Variants in DYNC1I2 observed in about 807,000 individuals in gnomAD.
DYNC1I2 encodes cytoplasmic dynein 1 intermediate chain 2.
A neutral mutation model predicts 88.6 loss-of-function variants in DYNC1I2; 53 were observed. The ratio of observed to expected loss-of-function variants is 0.60; its 90% CI spans 0.48 to 0.75. The LOEUF (loss-of-function observed/expected upper bound fraction) is 0.75. DYNC1I2 is among the 30% of genes least tolerant of loss of function. The pLI, the probability that DYNC1I2 is intolerant of heterozygous loss-of-function variation, is 0.00. For missense variants in DYNC1I2, 458 were observed against 766.6 expected (o/e 0.60, Z 4.75); for synonymous variants, 198 against 254.6 (o/e 0.78, Z 2.12).
rs145988773 is a variant in DYNC1I2 at position 171,690,540 on chromosome 2, G to A, written c.108+277G>A. ...AAATATGATTTTTAAAAACAATTTCGTATAGATTGATGCATTTCTAAAATT... is the reference window on the plus strand; with the variant it reads ...AAATATGATTTTTAAAAACAATTTCATATAGATTGATGCATTTCTAAAATT... On this transcript the variant is annotated intron_variant, in intron 2 of 17. Transcript: ENST00000397119. Among the ~76,000 whole-genome samples the A allele has an allele frequency of 2.7e-3, 409 of 151,710 alleles. 1 individual carries two copies. Among genetic ancestry groups the A allele is most frequent in the Non-Finnish European group, 4.8e-3 (324 of 67,966 alleles).
In DYNC1I2 at chr2:171,744,094, T is replaced by G; in HGVS notation, c.1582T>G (p.Tyr528Asp). ...YSFEDNADYV[Y>D]DVMWSPTHPA... ...ATTTGAAGATAATGCAGACTATGTT[T>G]ATGATGTTATGTGGTCACCTACCCA... Residue 528 changes from tyrosine to aspartate, a missense_variant, in exon 16 of 18, where the codon TAT becomes GAT. Tyr to Asp is a radical substitution (Grantham distance 160). This residue lies in a region of DYNC1I2 where 188 missense variants were observed against 300.4 expected (regional missense o/e 0.63). Transcript: ENST00000397119. The G allele has an allele frequency of 6.2e-7, 1 of 1,612,982 alleles. No homozygotes were observed. The highest frequency in any genetic ancestry group is 8.5e-7 in the Non-Finnish European group (1 of 1,179,642).
At chr2:171,715,193 G>T in intron 6 of DYNC1I2, 135 bp from the exon 7 acceptor site, 2 of 537,354 alleles carry the variant, frequency 3.7e-6, no homozygotes, top group Non-Finnish European at 6.6e-6. Flanking sequence ...CCAATTTATT[G>T]TTAATCTAAA....
In DYNC1I2 at chr2:171,715,363, C is replaced by T. The variant is rs199535960; in HGVS notation, c.431C>T (p.Thr144Met). 60 of 1,565,120 alleles carry T rather than the reference C, an allele frequency of 3.8e-5. 1 individual carries two copies. Among genetic ancestry groups the T allele is most frequent in the Admixed American group, 2.8e-4 (15 of 52,790 alleles). Residue 144 changes from threonine to methionine, a missense_variant, in exon 7 of 18, where the codon ACG (threonine) becomes ATG (methionine). Thr to Met is a moderately conservative substitution (Grantham distance 81, BLOSUM62 -1). Transcript: ENST00000397119. The stretch of plus-strand genomic sequence containing the variant: ...ATTAAACTTGGAATGGCTAAAATCA[C>T]GCAAGTCGACTTTCCTCCTCGAGAA... ...GPIKLGMAKITQVDFPPREIV... is the reference protein window; with the variant it reads ...GPIKLGMAKIMQVDFPPREIV...
In DYNC1I2 at chr2:171,729,731, T is replaced by G; in HGVS notation, c.1414T>G (p.Phe472Val). Residue 472 changes from phenylalanine (F) to valine (V), a missense_variant, in exon 15 of 18, where the codon TTT becomes GTT. Physicochemically the swap from Phe to Val is conservative, Grantham distance 50. Around this residue, in one of 5 missense-constraint regions of DYNC1I2, gnomAD observed 188 missense variants for 300.4 expected, o/e 0.63. Transcript: ENST00000397119. ...TAGCAAAGCTGGAATCAGTGAGATGTTTGAGGGGCATCAAGGACCAATCAC... is the reference window on the plus strand; with the variant it reads ...TAGCAAAGCTGGAATCAGTGAGATGGTTGAGGGGCATCAAGGACCAATCAC... Reference protein sequence around the residue: ...HGSKAGISEMFEGHQGPITGI... With the variant: ...HGSKAGISEMVEGHQGPITGI... 6.2e-7 allele frequency: 1 copy of G among 1,612,756 alleles called. No individual in the cohort carries two copies. Among genetic ancestry groups the G allele is most frequent in the Non-Finnish European group, 8.5e-7 (1 of 1,179,726 alleles).
intron 5 of DYNC1I2, among the ~76,000 whole-genome samples, chr2:171,707,891 A>C (rs529917557): frequency 6.6e-6 from 1 of 152,216 alleles, no homozygotes; most frequent in Non-Finnish European, 1.5e-5. Context: ...AACATTGAGA[A>C]TGTTTACTGT....
intron 15 of DYNC1I2, among the ~76,000 whole-genome samples, chr2:171,737,526 T>C (rs559373861): frequency 6.6e-6 from 1 of 152,292 alleles, no homozygotes; most frequent in South Asian, 2.1e-4. Context: ...CAAGCGATTA[T>C]CATGCCCCAG....
intron 7 of DYNC1I2, among the ~76,000 whole-genome samples, chr2:171,724,249 G>A (rs1347391963): frequency 6.6e-6 from 1 of 152,118 alleles, no homozygotes; most frequent in African/African-American, 2.4e-5. Flanking sequence ...TATTTTTATT[G>A]CCTATACTAT....
chr2:171,740,317 G>A (rs183720946), intron 15 of DYNC1I2, among the ~76,000 whole-genome samples: 102 of 152,230 alleles, frequency 6.7e-4, no homozygotes, highest in Non-Finnish European at 9.9e-4. Context: ...TGATGCAGAA[G>A]GTGCCCACAG....
intron 7 of DYNC1I2, among the ~76,000 whole-genome samples, chr2:171,716,403 T>A (rs916585625): frequency 1.3e-5 from 2 of 152,180 alleles, no homozygotes; most frequent in Non-Finnish European, 2.9e-5. Flanking sequence ...GTTAACAATT[T>A]TGGAATAGAA....
chr2:171,738,908 G>C (rs947732751), intron 15 of DYNC1I2, among the ~76,000 whole-genome samples: 1 of 152,092 alleles, frequency 6.6e-6, no homozygotes, highest in Non-Finnish European at 1.5e-5. Context: ...CAGCACTTTG[G>C]GAGGCCAAGG....
Position 171,728,489 on chromosome 2 carries a change from AT to A in DYNC1I2, c.1257+72del, listed in dbSNP as rs1307194739. 13 of 969,722 alleles carry A rather than the reference AT, an allele frequency of 1.3e-5. No individual in the cohort carries two copies. In the Admixed American group the frequency reaches 1.8e-4, roughly 13 times the overall value. The allele number at this position is 969,722 out of a possible 1,614,324, so 60.1% of individuals were successfully genotyped here. The stretch of plus-strand genomic sequence containing the variant: ...TTTAAGTGTATGTGTACCTCAACTT[AT>A]GTTTCTCATAAACTGTTTTATAGTA... On this transcript the variant is annotated intron_variant, in intron 13 of 17. Transcript: ENST00000397119.
intron 15 of DYNC1I2, among the ~76,000 whole-genome samples, chr2:171,736,696 G>A (rs752390150): frequency 1.3e-5 from 2 of 152,036 alleles, no homozygotes; most frequent in Admixed American, 6.5e-5. Flanking sequence ...CTGTTTCTTT[G>A]TATTTCTATT....
chr2:171,710,120 T>TACACAC (rs1383615743), intron 5 of DYNC1I2, among the ~76,000 whole-genome samples: 210 of 95,758 alleles, frequency 2.2e-3, no homozygotes, highest in East Asian at 7.3e-3. Context: ...TTTATGTATA[T>TACACAC]ATACACACAC....
intron 3 of DYNC1I2, among the ~76,000 whole-genome samples, chr2:171,696,912 C>G (rs1200329756): frequency 1.3e-5 from 2 of 152,204 alleles, no homozygotes; most frequent in African/African-American, 4.8e-5. Context: ...ATTTTTCTTT[C>G]CTCAAGAAAT....
intron 2 of DYNC1I2, 86 bp downstream of exon 2, chr2:171,690,349 G>A (rs1315049527): frequency 3.1e-6 from 3 of 970,648 alleles, no homozygotes; most frequent in East Asian, 2.7e-5. Context: ...ATAGGTTGGT[G>A]CAAAAGTAAT....
intron 15 of DYNC1I2, among the ~76,000 whole-genome samples, chr2:171,730,422 T>A (rs996657246): frequency 6.6e-6 from 1 of 152,202 alleles, no homozygotes; most frequent in East Asian, 1.9e-4. Context: ...TTATTTTGGT[T>A]TTAATAAACT....
intron 15 of DYNC1I2, among the ~76,000 whole-genome samples, chr2:171,734,037 C>T (rs926708322): frequency 1.3e-5 from 2 of 152,122 alleles, no homozygotes; most frequent in African/African-American, 2.4e-5. Flanking sequence ...CTCCCAGCAC[C>T]ATTGTTAAAC....
At chr2:171,698,375 TG>T (rs1234511320) in intron 3 of DYNC1I2, among the ~76,000 whole-genome samples, 1 of 152,146 alleles carries the variant, frequency 6.6e-6, no homozygotes, top group Non-Finnish European at 1.5e-5. Flanking sequence ...AGTTTTTGCA[TG>T]TATTTTATCT....
intron 2 of DYNC1I2, 115 bp downstream of exon 2, chr2:171,690,378 C>A: frequency 1.4e-6 from 1 of 693,802 alleles, no homozygotes; most frequent in Non-Finnish European, 2.3e-6. Context: ...AAAGTAATGG[C>A]AAAAATTATG....
Sources: gnomAD v4.1 joint callset for allele counts (sites outside exome capture counted in the v4.1 genomes callset) on GRCh38, gnomAD v4.1.1 for gene constraint, gnomAD v4.1.1 regional missense constraint, MANE v1.5 for transcripts, NCBI Gene and HGNC (gene_info 2026-07-23, HGNC 2026-07-21) for gene names.